DACT2: variants seen among roughly 807,000 people sequenced by gnomAD.
The protein encoded by DACT2 is dapper homolog 2.
A neutral mutation model predicts 22.2 loss-of-function variants in DACT2; 20 were observed. The ratio of observed to expected loss-of-function variants is 0.90; its 90% confidence interval spans 0.63 to 1.31. The LOEUF is 1.31. Among genes scored for constraint, DACT2 ranks in the 50% most tolerant of loss-of-function variants. The pLI is 0.00. For missense variants in DACT2, 1,048 were observed against 1,061.4 expected (o/e 0.99, Z 0.18); for synonymous variants, 463 against 479.8 (o/e 0.96, Z 0.46).
rs201848687 is a variant in DACT2, at chr6:168,294,575, G to A, written c.730+58C>T. ...TGTGTGTGTGTATGTGTGTGTGTGT[G>A]TGTATATATATATATATATATATAT... On this transcript the variant is annotated intron_variant, in intron 4 of 5. Transcript: ENST00000366796. 1,768 of 342,236 alleles carry A rather than the reference G, an allele frequency of 5.2e-3. 56 individuals carry two copies. In the African/African-American group the frequency reaches 0.063, roughly 12 times the overall value. The allele number at this position is 342,236 out of a possible 1,614,324, so 21.2% of individuals were successfully genotyped here.
rs995544811 is a variant in DACT2, at chr6:168,308,115, G to A, written c.1642C>T (p.Arg548Trp). ...HWPTGRGGLQ[R>W]RPALAWEAPG... The stretch of plus-strand genomic sequence containing the variant: ...GCCTCCCAGGCCAGGGCTGGCCTCC[G>A]CTGGAGCCCGCCCCTCCCTGTGGGC... The change falls in exon 4 of 4, where the codon CGG (arginine) becomes TGG (tryptophan). Residue 548 changes from arginine (R) to tryptophan (W), a missense_variant. Physicochemically the swap from Arg to Trp is moderately radical, Grantham distance 101. Transcript: ENST00000366795. 48 of 1,546,996 alleles carry A rather than the reference G, an allele frequency of 3.1e-5. No homozygotes were observed. The African/African-American group carries it at 4.3e-4, about 14-fold the overall frequency.
In DACT2 at chr6:168,308,016, C is replaced by A; in HGVS notation, c.1741G>T (p.Glu581Ter). ...GCTTGGGCTGAGGTCCGGTGGCTCT[C>A]CTGCGGGGCCACTGCCAAGGGGACG... is the stretch of plus-strand genomic sequence containing the variant. ...VLVPLAVAPQ[E>*]SHRTSAQALF... Residue 581 changes from glutamate (E) to a stop codon, truncating the protein, a stop_gained, in exon 4 of 4, where the codon GAG (glutamate) becomes TAG (stop). Transcript: ENST00000366795. LOFTEE classifies it low-confidence loss of function (END_TRUNC). 2 of 1,550,346 alleles carry A rather than the reference C, an allele frequency of 1.3e-6. No individual in the cohort carries two copies. Among genetic ancestry groups the A allele is most frequent in the Non-Finnish European group, 1.7e-6 (2 of 1,146,374 alleles).
In DACT2 at chr6:168,307,455, G is replaced by A; in HGVS notation, c.2302C>T (p.Leu768=). The A allele has an allele frequency of 6.4e-7, 1 of 1,551,698 alleles. No homozygotes were observed. The highest frequency in any genetic ancestry group is 8.7e-7 in the Non-Finnish European group (1 of 1,146,998). Residue 768 remains leucine (L), a synonymous_variant, in exon 4 of 4, where the codon CTG becomes TTG. Coordinates refer to ENST00000366795, the MANE Select transcript of DACT2 (RefSeq NM_214462.5). This position sits in a 1 kb window ranked among gnomAD's most constrained non-coding sequence, Gnocchi z 5.3. ...KKIRRFQPTA[L]KVMTMV ...CCTCACACCATGGTCATGACCTTCA[G>A]GGCCGTCGGCTGGAACCTGCGGATC... is the stretch of plus-strand genomic sequence containing the variant.
chr6:168,303,741 G>A (rs1253806811), downstream of DACT2, among the ~76,000 whole-genome samples: 2 of 152,116 alleles, frequency 1.3e-5, no homozygotes, highest in East Asian at 3.9e-4. Context: ...AAACTTTGCT[G>A]GGGTGCCCGC....
intron 3 of DACT2, among the ~76,000 whole-genome samples, chr6:168,295,131 G>A (rs919713464): frequency 6.6e-6 from 1 of 152,204 alleles, no homozygotes; most frequent in African/African-American, 2.4e-5. Flanking sequence ...AGCCGCGTGG[G>A]CAGCTGAGTG....
chr6:168,319,509 C>G lies in DACT2; in HGVS notation c.125G>C (p.Arg42Pro). Reference sequence around the variant, plus strand: ...CTGCAGGGCCAGGGCGCCCCGTACCCGCTCCTGCTGCGTGGCTCGCAGCCC... The same window carrying G: ...CTGCAGGGCCAGGGCGCCCCGTACCGGCTCCTGCTGCGTGGCTCGCAGCCC... ...LQGLRATQQE[R>P]VRGALALQPP... Residue 42 changes from arginine to proline, a missense_variant, in exon 1 of 4, where the codon CGG (arginine) becomes CCG (proline). Physicochemically the swap from Arg to Pro is moderately radical, Grantham distance 103. Transcript: ENST00000366795. The G allele has an allele frequency of 7.5e-7, 1 of 1,329,620 alleles. No homozygotes were observed. Among genetic ancestry groups the G allele is most frequent in the Non-Finnish European group, 9.7e-7 (1 of 1,032,674 alleles). 82.4% of individuals were successfully genotyped at this position (1,329,620 alleles called of 1,614,324 possible).
At position 168,307,223 on chromosome 6, in the gene DACT2, C is replaced by G; in HGVS notation, c.*209G>C. ...CCGGGGAGGCTGCTGGCATCTGAAA[C>G]CAGAGCTCCGCATGGAAGTCTTTGC... On this transcript the variant is annotated 3_prime_UTR_variant, in exon 4 of 4. Coordinates refer to ENST00000366795, the MANE Select transcript of DACT2 (RefSeq NM_214462.5). The surrounding 1 kb of genome is among the most constrained non-coding windows in gnomAD (Gnocchi z 5.3). 7.1e-7 allele frequency: 1 copy of G among 1,404,660 alleles called. No individual in the cohort carries two copies. Among genetic ancestry groups the G allele is most frequent in the Non-Finnish European group, 9.2e-7 (1 of 1,084,770 alleles). 87.0% of individuals were successfully genotyped at this position (1,404,660 alleles called of 1,614,324 possible).
intron 1 of DACT2, among the ~76,000 whole-genome samples, chr6:168,313,893 G>T (rs1302111624): frequency 6.6e-6 from 1 of 152,050 alleles, no homozygotes; most frequent in African/African-American, 2.4e-5. Context: ...AATGGTCGAG[G>T]GGCTGCAGGA....
downstream of DACT2, among the ~76,000 whole-genome samples, chr6:168,305,531 C>G (rs1779186855): frequency 6.6e-6 from 1 of 152,188 alleles, no homozygotes; most frequent in Admixed American, 6.5e-5. Flanking sequence ...AGAGTGCACT[C>G]AAGCTCCTGC....
At chr6:168,300,505 T>C (rs953370253) in intron 3 of DACT2, 1 of 152,152 alleles carries the variant, frequency 6.6e-6, no homozygotes, top group Non-Finnish European at 1.5e-5. Flanking sequence ...GAGTCATTCT[T>C]AAGGAGAATG....
intron 4 of DACT2, chr6:168,294,565 G>GTGTGTGTGTA: frequency 3.0e-6 from 1 of 336,284 alleles, no homozygotes; most frequent in Non-Finnish European, 3.8e-6. Flanking sequence ...GTGTGTATGT[G>GTGTGTGTGTA]TGTGTGTGTG....
chr6:168,310,696 C>T (rs1779375108), intron 2 of DACT2, among the ~76,000 whole-genome samples: 1 of 152,214 alleles, frequency 6.6e-6, no homozygotes, highest in Non-Finnish European at 1.5e-5. Context: ...GCAGCCCTGG[C>T]CCTCCCTCTT....
intron 3 of DACT2, among the ~76,000 whole-genome samples, chr6:168,301,702 C>G (rs139105004): frequency 1.1e-3 from 175 of 152,358 alleles, no homozygotes; most frequent in African/African-American, 3.9e-3. Flanking sequence ...AGCTGGGGCT[C>G]TGTGTGTTCA....
chr6:168,302,939 A>G (rs1779136623), downstream of DACT2, among the ~76,000 whole-genome samples: 1 of 152,226 alleles, frequency 6.6e-6, no homozygotes, highest in South Asian at 2.1e-4. Context: ...CCAACTATGC[A>G]AGTGATTGAA....
rs1779235855 is a variant in DACT2, at chr6:168,307,373, A to C, written c.*59T>G. 2 of 1,541,806 alleles carry C rather than the reference A, an allele frequency of 1.3e-6. No homozygotes were observed. The highest frequency in any genetic ancestry group is 4.9e-5 in the East Asian group (2 of 40,864). ...ACACTGAAACCCAGACATGCACAGGACACTGCATGGAAAGGGCCCCTGTGT... is the reference window on the plus strand; with the variant it reads ...ACACTGAAACCCAGACATGCACAGGCCACTGCATGGAAAGGGCCCCTGTGT... On this transcript the variant is annotated 3_prime_UTR_variant, in exon 4 of 4. Transcript: ENST00000366795. The surrounding 1 kb of genome is among the most constrained non-coding windows in gnomAD (Gnocchi z 5.3).
intron 3 of DACT2, among the ~76,000 whole-genome samples, chr6:168,301,135 C>T (rs1451896331): frequency 2.0e-5 from 3 of 152,230 alleles, no homozygotes; most frequent in Non-Finnish European, 4.4e-5. Flanking sequence ...TGACAGCGGC[C>T]AGCGACCGGG....
chr6:168,294,738 C>A, intron 3 of DACT2: 2 of 1,159,690 alleles, frequency 1.7e-6, no homozygotes, highest in South Asian at 1.9e-5. Context: ...TGCGTGAGAG[C>A]TACAGAACAC....
chr6:168,300,997 A>G (rs1779093332), intron 3 of DACT2, among the ~76,000 whole-genome samples: 1 of 151,934 alleles, frequency 6.6e-6, no homozygotes. Context: ...AAACAAACAA[A>G]CAAACAAACA....
At chr6:168,310,705 T>G (rs1779375605) in intron 2 of DACT2, among the ~76,000 whole-genome samples, 2 of 152,188 alleles carry the variant, frequency 1.3e-5, no homozygotes, top group Admixed American at 1.3e-4. Flanking sequence ...GCCCTCCCTC[T>G]TCCTGGCAAG....
Sources: allele counts gnomAD v4.1 joint callset (sites outside exome capture counted in the v4.1 genomes callset), GRCh38; gene constraint gnomAD v4.1.1; non-coding constraint Gnocchi (gnomAD v3.1); transcripts MANE v1.5; gene names NCBI Gene and HGNC (gene_info 2026-07-23, HGNC 2026-07-21).